DNAH5: variants seen among roughly 807,000 people sequenced by gnomAD.
DNAH5 encodes axonemal beta dynein heavy chain 5.
DNAH5 carries 372 observed loss-of-function variants against 518.2 expected under a neutral mutation model. The ratio of observed to expected loss-of-function variants is 0.72; its 90% CI spans 0.66 to 0.78. The LOEUF (loss-of-function observed/expected upper bound fraction) is 0.78, where lower values mean the gene tolerates loss of function less well. Among genes scored for constraint, DNAH5 ranks in the 30% least tolerant of loss-of-function variants. DNAH5 has a pLI of 0.00. For synonymous variants in DNAH5, 2,039 were observed against 2,025.9 expected (o/e 1.01, Z -0.17); for missense variants, 5,523 against 5,687.0 (o/e 0.97, Z 0.93).
chr5:13,864,534 C>T lies in DNAH5; in HGVS notation c.4459G>A (p.Ala1487Thr), dbSNP rs1768943729. The T allele has an allele frequency of 3.7e-6, 6 of 1,614,112 alleles. No individual in the cohort carries two copies. The Admixed American group carries it at 6.7e-5, about 18-fold the overall frequency. Residue 1487 changes from alanine to threonine, a missense_variant, in exon 28 of 79, where the codon GCC becomes ACC. Physicochemically the swap from Ala to Thr is moderately conservative, Grantham distance 58. This residue lies in a region of DNAH5 where 5,121 missense variants were observed against 5,223.3 expected (regional missense o/e 0.98). Coordinates refer to ENST00000265104, the MANE Select transcript of DNAH5 (RefSeq NM_001369.3). ...TGCCGCTCCATCATGGCTTTACTGG[C>T]CATGTATTCCAGCAGCGGGCAACAC... is the stretch of plus-strand genomic sequence containing the variant. ...SECCPLLEYM[A>T]SKAMMERHWE...
At chr5:13,844,315 G>C (rs960231659) in intron 32 of DNAH5, among the ~76,000 whole-genome samples, 1 of 152,190 alleles carries the variant, frequency 6.6e-6, no homozygotes, top group African/African-American at 2.4e-5. Context: ...AGGGAATTTG[G>C]GTGGAGGGAT....
At chr5:13,856,772 C>G (rs1767695379) in intron 30 of DNAH5, among the ~76,000 whole-genome samples, 1 of 152,192 alleles carries the variant, frequency 6.6e-6, no homozygotes, top group Non-Finnish European at 1.5e-5. Context: ...ACATGATTAT[C>G]TCAATAGATG....
intron 60 of DNAH5, among the ~76,000 whole-genome samples, chr5:13,760,557 A>G (rs1561193160): frequency 1.3e-5 from 2 of 152,192 alleles, no homozygotes; most frequent in African/African-American, 4.8e-5. Flanking sequence ...TGATTTCCAT[A>G]AAGTTTTCAA....
At chr5:13,709,917 T>C (rs1206104352) in intron 75 of DNAH5, among the ~76,000 whole-genome samples, 3 of 151,866 alleles carry the variant, frequency 2.0e-5, no homozygotes, top group African/African-American at 7.3e-5. Context: ...ATCTTGGGAG[T>C]TCTAGGGCCC....
intron 4 of DNAH5, among the ~76,000 whole-genome samples, chr5:13,922,891 G>T (rs1008151817): frequency 1.3e-5 from 2 of 151,726 alleles, no homozygotes; most frequent in African/African-American, 4.8e-5. Flanking sequence ...AGAGGGAAGG[G>T]GAAAACTTGT....
intron 50 of DNAH5, among the ~76,000 whole-genome samples, chr5:13,790,016 G>C (rs767244953): frequency 2.6e-5 from 4 of 152,196 alleles, no homozygotes; most frequent in Admixed American, 1.3e-4. Flanking sequence ...TATCACATCA[G>C]TCAGAAAGGC....
intron 35 of DNAH5, 87 bp from the exon 36 acceptor site, chr5:13,830,862 G>A (rs1763582146): frequency 7.3e-7 from 1 of 1,373,304 alleles, no homozygotes; most frequent in Non-Finnish European, 1.0e-6. Flanking sequence ...ACGCACACAA[G>A]ATTAAAAAAC....
At chr5:13,835,026 T>C (rs1033010841) in intron 35 of DNAH5, among the ~76,000 whole-genome samples, 11 of 152,278 alleles carry the variant, frequency 7.2e-5, no homozygotes, top group Middle Eastern at 3.4e-3. Flanking sequence ...TAATGATTCC[T>C]ATAATCCCAG....
intron 1 of DNAH5, among the ~76,000 whole-genome samples, chr5:13,955,038 C>T (rs938424012): frequency 1.3e-5 from 2 of 152,192 alleles, no homozygotes; most frequent in African/African-American, 4.8e-5. Flanking sequence ...TCTCTGTCCC[C>T]ACCCAAATCT....
intron 25 of DNAH5, among the ~76,000 whole-genome samples, chr5:13,867,102 T>G (rs1010312341): frequency 2.0e-5 from 3 of 152,206 alleles, no homozygotes; most frequent in Non-Finnish European, 4.4e-5. Context: ...ATAGTACTTT[T>G]CTACACAAAT....
At chr5:13,773,642 T>C (rs1452888409) in intron 55 of DNAH5, among the ~76,000 whole-genome samples, 1 of 152,148 alleles carries the variant, frequency 6.6e-6, no homozygotes, top group African/African-American at 2.4e-5. Context: ...GTTTTTAGTC[T>C]AGTAAGACAT....
chr5:13,894,513 AC>A, intron 16 of DNAH5, 136 bp downstream of exon 16: 1 of 913,760 alleles, frequency 1.1e-6, no homozygotes, highest in Non-Finnish European at 1.7e-6. Flanking sequence ...GTTTTGGAAC[AC>A]TTCCTTATGA....
At chr5:13,895,554 G>A (rs1269629362) in intron 15 of DNAH5, among the ~76,000 whole-genome samples, 1 of 152,086 alleles carries the variant, frequency 6.6e-6, no homozygotes, top group African/African-American at 2.4e-5. Flanking sequence ...CAAAACATGT[G>A]GGTCGCCAGA....
intron 12 of DNAH5, among the ~76,000 whole-genome samples, chr5:13,906,609 C>A (rs74289742): frequency 6.6e-6 from 1 of 152,040 alleles, no homozygotes; most frequent in Non-Finnish European, 1.5e-5. Flanking sequence ...TCAGTAAATA[C>A]CAAAATACTG....
At chr5:13,940,600 G>A (rs555224510) in intron 1 of DNAH5, among the ~76,000 whole-genome samples, 15 of 152,200 alleles carry the variant, frequency 9.9e-5, no homozygotes, top group South Asian at 4.1e-4. Context: ...GGTCAGGTGC[G>A]GGGCCCAGGC....
chr5:13,900,728 A>G, intron 14 of DNAH5: 2 of 384,084 alleles, frequency 5.2e-6, no homozygotes, highest in South Asian at 2.9e-5. Context: ...TGCCTACTCT[A>G]TTATTCTTCC....
chr5:13,989,087 G>A (rs1237492196), intron 1 of DNAH5, among the ~76,000 whole-genome samples: 1 of 152,088 alleles, frequency 6.6e-6, no homozygotes, highest in Non-Finnish European at 1.5e-5. Flanking sequence ...GAGGGTGTGT[G>A]GTAAGCAGGG....
Position 13,919,389 on chromosome 5 carries a change from G to T in DNAH5, c.799-37C>A, listed in dbSNP as rs748430527. ...CGGGGAAAAACACGAGCCATTGCACGGGGCTGGAGACGCTAAAGTTATAAA... is the reference window on the plus strand; with the variant it reads ...CGGGGAAAAACACGAGCCATTGCACTGGGCTGGAGACGCTAAAGTTATAAA... On this transcript the variant is annotated intron_variant, in intron 6 of 78. Coordinates refer to ENST00000265104, the MANE Select transcript of DNAH5 (RefSeq NM_001369.3). 3.7e-6 allele frequency: 6 copies of T among 1,608,800 alleles called. No homozygotes were observed. The South Asian group carries it at 4.4e-5, about 12-fold the overall frequency.
At chr5:13,924,225 G>A (rs900693704) in intron 3 of DNAH5, among the ~76,000 whole-genome samples, 7 of 152,148 alleles carry the variant, frequency 4.6e-5, no homozygotes, top group African/African-American at 1.7e-4. Context: ...GCTGCAGTCA[G>A]GGTCTTGTAG....
Sources: allele counts gnomAD v4.1 joint callset (sites outside exome capture counted in the v4.1 genomes callset), GRCh38; gene constraint gnomAD v4.1.1; regional missense constraint gnomAD v4.1.1; transcripts MANE v1.5; gene names NCBI Gene and HGNC (gene_info 2026-07-23, HGNC 2026-07-21).